The following PPARA variants were observed in gnomAD, a reference collection of about 807,000 sequenced individuals.
The protein encoded by PPARA is peroxisome proliferator activated receptor alpha.
Under a neutral mutation model 42.2 loss-of-function variants are expected in PPARA, and 22 were observed. That is an observed-to-expected ratio of 0.52 (90% CI 0.37 to 0.74). The LOEUF (loss-of-function observed/expected upper bound fraction) is 0.74, where lower values mean the gene tolerates loss of function less well. PPARA is among the 30% of genes least tolerant of loss of function. The probability of loss-of-function intolerance (pLI) is 0.00; values close to 1 mark genes in which losing one functional copy is unlikely to be tolerated. For missense variants in PPARA, 465 were observed against 608.2 expected, an observed-to-expected ratio of 0.76 and a Z score of 2.48; for synonymous variants, 242 against 239.3, an observed-to-expected ratio of 1.01 and a Z score of -0.10.
intron 4 of PPARA, among the ~76,000 whole-genome samples, chr22:46,201,124 C>CAAAA: frequency 1.6e-5 from 1 of 61,718 alleles, no homozygotes; most frequent in Non-Finnish European, 3.7e-5. Context: ...GATTCCGTCT[C>CAAAA]AAAAAAAAAA....
rs1934670857 is a variant in PPARA at position 46,218,208 on chromosome 22, G to A, written c.370-55G>A. ...AACAAAAAAGGTGAGTAAAGCAAGT[G>A]CGCTGGTTTCTCAGTGGCCCAGGTC... On this transcript the variant is annotated intron_variant, in intron 5 of 8. Coordinates refer to ENST00000407236, the MANE Select transcript of PPARA (RefSeq NM_005036.6). 25 of 1,604,958 alleles carry A rather than the reference G, an allele frequency of 1.6e-5. No homozygotes were observed. The South Asian group carries it at 2.8e-4, about 18-fold the overall frequency.
chr22:46,231,864 G>A lies in PPARA; in HGVS notation c.784G>A (p.Gly262Ser). Residue 262 changes from glycine to serine, a missense_variant, in exon 8 of 9, where the codon GGC (glycine) becomes AGC (serine). Transcript: ENST00000407236. This position sits in a 1 kb window ranked among gnomAD's most constrained non-coding sequence, Gnocchi z 7.7. ...GCTGGTGGCCAAGCTGGTGGCCAAT[G>A]GCATCCAGAACAAGGAGGCGGAGGT... is the stretch of plus-strand genomic sequence containing the variant. Reference protein sequence around the residue: ...KTLVAKLVANGIQNKEAEVRI... With the variant: ...KTLVAKLVANSIQNKEAEVRI... 1 of 1,614,150 alleles carries A rather than the reference G, an allele frequency of 6.2e-7. No homozygotes were observed. Among genetic ancestry groups the A allele is most frequent in the South Asian group, 1.1e-5 (1 of 91,080 alleles).
chr22:46,235,008 C>T lies in PPARA; in HGVS notation c.1160-125C>T. The T allele has an allele frequency of 1.5e-6, 2 of 1,348,344 alleles. No homozygotes were observed. Among genetic ancestry groups the T allele is most frequent in the South Asian group, 2.4e-5 (2 of 82,868 alleles). The allele number at this position is 1,348,344 out of a possible 1,614,324, so 83.5% of individuals were successfully genotyped here. A position where few individuals can be genotyped will look rare whatever the true frequency, so the allele number is the denominator to read the frequency against. The stretch of plus-strand genomic sequence containing the variant: ...TATCTTCCAGTCAAGTTGACAATAT[C>T]TAAAGGCAGCTCAGTTTTTTTCTAA... On this transcript the variant is annotated intron_variant, in intron 8 of 8. Coordinates refer to ENST00000407236, the MANE Select transcript of PPARA (RefSeq NM_005036.6). This position sits in a 1 kb window ranked among gnomAD's most constrained non-coding sequence, Gnocchi z 7.0.
chr22:46,233,031 G>A lies in PPARA; in HGVS notation c.1159+792G>A, dbSNP rs1346456748. On this transcript the variant is annotated intron_variant, in intron 8 of 8. Coordinates refer to ENST00000407236, the MANE Select transcript of PPARA (RefSeq NM_005036.6). The surrounding 1 kb of genome is among the most constrained non-coding windows in gnomAD (Gnocchi z 7.3). ...ACACACACACACACACACACATTTC[G>A]TTTATATTATATCTAATATTATAAA... Among the ~76,000 whole-genome samples the A allele has an allele frequency of 3.4e-5, 5 of 145,814 alleles. No homozygotes were observed. Among genetic ancestry groups the A allele is most frequent in the African/African-American group, 5.0e-5 (2 of 39,646 alleles).
Position 46,239,604 on chromosome 22 carries a change from A to T in PPARA, c.*4224A>T, listed in dbSNP as rs1055787360. The T allele has an allele frequency of 6.6e-6, 1 of 150,894 alleles. No homozygotes were observed. The highest frequency in any genetic ancestry group is 2.4e-5 in the African/African-American group (1 of 40,866). 9.3% of individuals were successfully genotyped at this position (150,894 alleles called of 1,614,324 possible). A position where few individuals can be genotyped will look rare whatever the true frequency, so the allele number is the denominator to read the frequency against. ...CTGACATTGGGCACGTCTTGGGCTT[A>T]GGAGAAGCGGCCGATGGTCCCGGCC... On this transcript the variant is annotated 3_prime_UTR_variant, in exon 9 of 9. Transcript: ENST00000407236.
At position 46,196,184 on chromosome 22, in the gene PPARA, C is replaced by T. The variant is rs776023299; in HGVS notation, c.-42-2158C>T. ...GTGGTTTAGGATGTTTCAGCGAGAGCATGATACAGACTAACCCAGGAAGAA... is the reference window on the plus strand; with the variant it reads ...GTGGTTTAGGATGTTTCAGCGAGAGTATGATACAGACTAACCCAGGAAGAA... On this transcript the variant is annotated intron_variant, in intron 3 of 8. Coordinates refer to ENST00000407236, the MANE Select transcript of PPARA (RefSeq NM_005036.6). This position sits in a 1 kb window ranked among gnomAD's most constrained non-coding sequence, Gnocchi z 5.6. 5.3e-5 allele frequency among the ~76,000 whole-genome samples: 8 copies of T among 152,194 alleles called. No homozygotes were observed. Among genetic ancestry groups the T allele is most frequent in the Non-Finnish European group, 1.2e-4 (8 of 68,032 alleles).
In PPARA at chr22:46,183,603, A is replaced by G. The variant is rs1930267750; in HGVS notation, c.-43+6767A>G. On this transcript the variant is annotated intron_variant, in intron 3 of 8. Transcript: ENST00000407236. This position sits in a 1 kb window ranked among gnomAD's most constrained non-coding sequence, Gnocchi z 5.5. ...CAAAAAATAGAAAAATTAGCCAGGC[A>G]TGGTGGCATGTGCCTGTAGTCCCAG... Among the ~76,000 whole-genome samples the G allele has an allele frequency of 6.6e-6, 1 of 152,110 alleles. No individual in the cohort carries two copies. The highest frequency in any genetic ancestry group is 1.5e-5 in the Non-Finnish European group (1 of 68,028).
intron 2 of PPARA, among the ~76,000 whole-genome samples, chr22:46,152,975 A>T (rs1292124147): frequency 6.6e-6 from 1 of 152,150 alleles, no homozygotes; most frequent in Admixed American, 6.5e-5. Flanking sequence ...AATCCCAGCT[A>T]CTCAAGAAAC....
rs925330195 is a variant in PPARA, at chr22:46,183,437, G to C, written c.-43+6601G>C. 1.3e-5 allele frequency among the ~76,000 whole-genome samples: 2 copies of C among 152,208 alleles called. No homozygotes were observed. Among genetic ancestry groups the C allele is most frequent in the African/African-American group, 2.4e-5 (1 of 41,462 alleles). On this transcript the variant is annotated intron_variant, in intron 3 of 8. Transcript: ENST00000407236. This position sits in a 1 kb window ranked among gnomAD's most constrained non-coding sequence, Gnocchi z 5.5. Reference sequence around the variant, plus strand: ...ACTGGGAAAGAAAAATAACTTGTGAGTAATTCAGAATCTGGATTATCAGGT... The same window carrying C: ...ACTGGGAAAGAAAAATAACTTGTGACTAATTCAGAATCTGGATTATCAGGT...
Position 46,173,871 on chromosome 22 carries a change from A to G in PPARA, c.-126-2882A>G, listed in dbSNP as rs1928474442. On this transcript the variant is annotated intron_variant, in intron 2 of 8. Coordinates refer to ENST00000407236, the MANE Select transcript of PPARA (RefSeq NM_005036.6). The surrounding 1 kb of genome is among the most constrained non-coding windows in gnomAD (Gnocchi z 4.3). Reference sequence around the variant, plus strand: ...TGAGGCATGCAACTCACCCTCAAATACACACACACATACACATATATACAT... The same window carrying G: ...TGAGGCATGCAACTCACCCTCAAATGCACACACACATACACATATATACAT... 6.6e-6 allele frequency among the ~76,000 whole-genome samples: 1 copy of G among 152,154 alleles called. No individual in the cohort carries two copies. Among genetic ancestry groups the G allele is most frequent in the Non-Finnish European group, 1.5e-5 (1 of 68,038 alleles).
At chr22:46,172,984 C>A (rs1477134738) in intron 2 of PPARA, among the ~76,000 whole-genome samples, 2 of 152,196 alleles carry the variant, frequency 1.3e-5, no homozygotes, top group Non-Finnish European at 2.9e-5. Context: ...TACTTTATAG[C>A]AGAAAATTCC....
intron 4 of PPARA, among the ~76,000 whole-genome samples, chr22:46,208,833 T>G (rs1933644141): frequency 1.3e-5 from 2 of 152,172 alleles, no homozygotes; most frequent in South Asian, 4.1e-4. Context: ...CTTAGCATAA[T>G]ACCTTCCAGA....
chr22:46,184,204 A>G lies in PPARA; in HGVS notation c.-43+7368A>G, dbSNP rs185587446. 6.6e-6 allele frequency among the ~76,000 whole-genome samples: 1 copy of G among 152,312 alleles called. No homozygotes were observed. Among genetic ancestry groups the G allele is most frequent in the East Asian group, 1.9e-4 (1 of 5,188 alleles). ...ATTTGATGATGACTTCATTTTTATAAAACAATAATATTGCAGTGCAAATTA... is the reference window on the plus strand; with the variant it reads ...ATTTGATGATGACTTCATTTTTATAGAACAATAATATTGCAGTGCAAATTA... On this transcript the variant is annotated intron_variant, in intron 3 of 8. Coordinates refer to ENST00000407236, the MANE Select transcript of PPARA (RefSeq NM_005036.6). This position sits in a 1 kb window ranked among gnomAD's most constrained non-coding sequence, Gnocchi z 4.4.
At chr22:46,197,042 T>G (rs1569216814) in intron 3 of PPARA, among the ~76,000 whole-genome samples, 1 of 145,826 alleles carries the variant, frequency 6.9e-6, no homozygotes, top group East Asian at 2.0e-4. Context: ...TTGGTTTTGG[T>G]TTTGGTTTGG....
chr22:46,185,282 A>G (rs553754797), intron 3 of PPARA, among the ~76,000 whole-genome samples: 16 of 152,320 alleles, frequency 1.1e-4, no homozygotes, highest in Non-Finnish European at 1.9e-4. Context: ...AATTCCCTAG[A>G]AAAGTTCTTA....
In PPARA at chr22:46,211,369, GA is replaced by G. The variant is rs1933913846; in HGVS notation, c.209-3797del. Among the ~76,000 whole-genome samples, 2 of 152,064 alleles carry G rather than the reference GA, an allele frequency of 1.3e-5. No homozygotes were observed. The highest frequency in any genetic ancestry group is 4.1e-4 in the South Asian group (2 of 4,822). Reference sequence around the variant, plus strand: ...AGAACTGTTAACCCACACCCTGTGGGAAAAAAACTCCATCAGCTAGAGCACA... The same window carrying G: ...AGAACTGTTAACCCACACCCTGTGGGAAAAAACTCCATCAGCTAGAGCACA... On this transcript the variant is annotated intron_variant, in intron 4 of 8. Coordinates refer to ENST00000407236, the MANE Select transcript of PPARA (RefSeq NM_005036.6). The surrounding 1 kb of genome is among the most constrained non-coding windows in gnomAD (Gnocchi z 4.1).
intron 7 of PPARA, among the ~76,000 whole-genome samples, chr22:46,229,720 G>A (rs1379446415): frequency 4.0e-5 from 6 of 151,834 alleles, no homozygotes; most frequent in African/African-American, 1.4e-4. Flanking sequence ...TTATTAATCG[G>A]ACTTGAGATT....
intron 2 of PPARA, among the ~76,000 whole-genome samples, chr22:46,169,910 G>A (rs1224559061): frequency 2.0e-5 from 3 of 151,938 alleles, no homozygotes; most frequent in African/African-American, 7.2e-5. Context: ...TCCTGACTAC[G>A]TTTACTTGAA....
chr22:46,159,205 T>G (rs1925784370), intron 2 of PPARA, among the ~76,000 whole-genome samples: 1 of 151,914 alleles, frequency 6.6e-6, no homozygotes, highest in Non-Finnish European at 1.5e-5. Context: ...GTTCTATCTG[T>G]GCATTGGGGA....
Sources: allele counts gnomAD v4.1 joint callset (sites outside exome capture counted in the v4.1 genomes callset), GRCh38; gene constraint gnomAD v4.1.1; non-coding constraint Gnocchi (gnomAD v3.1); transcripts MANE v1.5; gene names NCBI Gene and HGNC (gene_info 2026-07-23, HGNC 2026-07-21).